CHFR: variants seen among roughly 807,000 people sequenced by gnomAD.
CHFR encodes checkpoint with forkhead and ring finger domains.
Under a neutral mutation model 87.6 loss-of-function variants are expected in CHFR, and 57 were observed. The ratio of observed to expected loss-of-function variants is 0.65; its 90% CI spans 0.53 to 0.81. CHFR has a LOEUF of 0.81. Ranked by LOEUF, CHFR falls within the 30% of genes least tolerant of loss-of-function variation. The probability of loss-of-function intolerance (pLI) is 0.00; values close to 1 mark genes in which losing one functional copy is unlikely to be tolerated. For missense variants in CHFR, 797 were observed against 865.8 expected (o/e 0.92, Z 1.00); for synonymous variants, 381 against 359.2 (o/e 1.06, Z -0.69).
intron 13 of CHFR, 87 bp downstream of exon 13, chr12:132,848,554 C>A: frequency 9.9e-7 from 1 of 1,013,408 alleles, no homozygotes; most frequent in Non-Finnish European, 1.5e-6. Context: ...AAACATCAGG[C>A]TATGGACCCC....
intron 12 of CHFR, chr12:132,849,160 G>A (rs1463872197): frequency 1.3e-5 from 2 of 155,728 alleles, no homozygotes; most frequent in African/African-American, 4.8e-5. Flanking sequence ...TGTTGCCCAG[G>A]ATGGTTTCAA....
chr12:132,870,763 A>C lies in CHFR; in HGVS notation c.364T>G (p.Ser122Ala). The change falls in exon 5 of 18, where the codon TCT becomes GCT. Residue 122 changes from serine to alanine, a missense_variant. By Grantham distance (99) the Ser-to-Ala change is moderately conservative (BLOSUM62 1). Transcript: ENST00000450056. ...PEHNVAYLYE[S>A]LSEKQGMTQE... ...GTCATGCCTTGCTTTTCACTTAAAG[A>C]TTCATAGAGGTATGCCACGTCTAAA... The C allele has an allele frequency of 6.2e-7, 1 of 1,611,462 alleles. No homozygotes were observed.
intron 9 of CHFR, among the ~76,000 whole-genome samples, chr12:132,857,092 G>A (rs1205064843): frequency 7.4e-6 from 1 of 134,252 alleles, no homozygotes; most frequent in Non-Finnish European, 1.6e-5. Context: ...CCCGGGTGCT[G>A]GTGGAGGGAC....
At chr12:132,857,055 T>G (rs1593472130) in intron 9 of CHFR, among the ~76,000 whole-genome samples, 1 of 92,572 alleles carries the variant, frequency 1.1e-5, no homozygotes, top group Non-Finnish European at 2.1e-5. Context: ...CGTGCCCGGG[T>G]GCTGGTGGAG....
chr12:132,846,501 A>C (rs1593449086), intron 15 of CHFR, among the ~76,000 whole-genome samples: 1 of 150,938 alleles, frequency 6.6e-6, no homozygotes, highest in Non-Finnish European at 1.5e-5. Context: ...CAATCTCTTG[A>C]CCTCATGATC....
In CHFR at chr12:132,836,625, T is replaced by C. The variant is rs1950648720; in HGVS notation, c.*4929A>G. The stretch of plus-strand genomic sequence containing the variant: ...CTGACTGGCCTTCAACATTCTCTCC[T>C]GAGTCCATTCCTTCCACAGACATGC... On this transcript the variant is annotated 3_prime_UTR_variant, in exon 18 of 18. Transcript: ENST00000450056. The C allele has an allele frequency of 2.2e-6, 1 of 456,012 alleles. No individual in the cohort carries two copies. Among genetic ancestry groups the C allele is most frequent in the Non-Finnish European group, 4.4e-6 (1 of 226,780 alleles). 28.2% of individuals were successfully genotyped at this position (456,012 alleles called of 1,614,324 possible).
In CHFR at chr12:132,859,207, C is replaced by G; in HGVS notation, c.772G>C (p.Gly258Arg). The G allele has an allele frequency of 6.2e-7, 1 of 1,613,394 alleles. No homozygotes were observed. The highest frequency in any genetic ancestry group is 8.5e-7 in the Non-Finnish European group (1 of 1,179,680). ...CGCGGTTGTGCGACCAACAACTGCC[C>G]GTTCAGGTCAAGGTCCCCATCTACA... is the stretch of plus-strand genomic sequence containing the variant. ...MRGDGDLDLN[G>R]QLLVAQPRRN... The change falls in exon 8 of 18, where the codon GGG becomes CGG. Residue 258 changes from glycine to arginine, a missense_variant. By Grantham distance (125) the Gly-to-Arg change is moderately radical. This residue lies in a region of CHFR where 597 missense variants were observed against 601.2 expected (regional missense o/e 0.99). Transcript: ENST00000450056.
At chr12:132,867,978 T>C (rs1951386686) in intron 6 of CHFR, 1 of 151,656 alleles carries the variant, frequency 6.6e-6, no homozygotes, top group African/African-American at 2.4e-5. Context: ...ATAATATGTA[T>C]AGCGCGATCC....
At chr12:132,887,415 G>A in intron 1 of CHFR, 75 bp from the exon 2 acceptor site, 3 of 1,136,562 alleles carry the variant, frequency 2.6e-6, no homozygotes, top group Non-Finnish European at 2.2e-6. Context: ...CCCACCCCGC[G>A]GGCCCCGGCC....
At chr12:132,881,244 C>T (rs1252115056) in intron 2 of CHFR, among the ~76,000 whole-genome samples, 1 of 145,148 alleles carries the variant, frequency 6.9e-6, no homozygotes, top group Non-Finnish European at 1.5e-5. Flanking sequence ...GGCAACAGAG[C>T]GAGACTCCAT....
chr12:132,859,360 T>C, intron 7 of CHFR, 133 bp from the exon 8 acceptor site: 1 of 884,620 alleles, frequency 1.1e-6, no homozygotes. Flanking sequence ...ATGCAGTCTT[T>C]TTTTTTTCGA....
In CHFR at chr12:132,839,749, TCATC is replaced by T. The variant is rs1403839408; in HGVS notation, c.*1801_*1804del. ...AAACGTGCAAACTCCCCTTTTGGCT[TCATC>T]CATGCACAAACTTGGGACCTCCCTT... On this transcript the variant is annotated 3_prime_UTR_variant, in exon 18 of 18. Transcript: ENST00000450056. 6.4e-6 allele frequency: 1 copy of T among 156,754 alleles called. No homozygotes were observed. Among genetic ancestry groups the T allele is most frequent in the Non-Finnish European group, 1.3e-5 (1 of 74,766 alleles). 9.7% of individuals were successfully genotyped at this position (156,754 alleles called of 1,614,324 possible). A position where few individuals can be genotyped will look rare whatever the true frequency, so the allele number is the denominator to read the frequency against.
intron 7 of CHFR, among the ~76,000 whole-genome samples, chr12:132,861,217 G>C (rs1434545826): frequency 6.6e-6 from 1 of 152,202 alleles, no homozygotes; most frequent in Non-Finnish European, 1.5e-5. Context: ...CTGCAATTCA[G>C]AATGCACTAT....
intron 14 of CHFR, 154 bp downstream of exon 14, chr12:132,847,931 G>C: frequency 3.4e-6 from 5 of 1,486,344 alleles, no homozygotes; most frequent in Non-Finnish European, 4.5e-6. Context: ...CAGAGAACCA[G>C]CTGGCTGCAC....
At chr12:132,873,592 C>A (rs1356669163) in intron 3 of CHFR, among the ~76,000 whole-genome samples, 1 of 145,876 alleles carries the variant, frequency 6.9e-6, no homozygotes, top group Non-Finnish European at 1.5e-5. Context: ...TGCAGGGGCG[C>A]TGGAGCTGGA....
rs747697880 is a variant in CHFR, at chr12:132,844,108, G to A, written c.1762C>T (p.Leu588=). 6.2e-7 allele frequency: 1 copy of A among 1,613,386 alleles called. No individual in the cohort carries two copies. The highest frequency in any genetic ancestry group is 8.5e-7 in the Non-Finnish European group (1 of 1,179,384). The change falls in exon 16 of 18, where the codon CTG becomes TTG. Residue 588 remains leucine, a synonymous_variant. Coordinates refer to ENST00000450056, the MANE Select transcript of CHFR (RefSeq NM_001161346.2). ...CTGCGCAGGCCACAGCAGTAACACA[G>A]AACGGTGTCTCCCGTGACTCTGTAA... ...SDYRVTGDTV[L]CYCCGLRSFR...
intron 7 of CHFR, among the ~76,000 whole-genome samples, chr12:132,859,584 T>G (rs1951168941): frequency 6.6e-6 from 1 of 152,192 alleles, no homozygotes; most frequent in Non-Finnish European, 1.5e-5. Context: ...TCTCCTGACC[T>G]CGTGATCCAC....
At position 132,856,061 on chromosome 12, in the gene CHFR, G is replaced by C. The variant is rs369767393; in HGVS notation, c.1229+407C>G. Among the ~76,000 whole-genome samples the C allele has an allele frequency of 6.6e-5, 10 of 152,288 alleles. 1 individual carries two copies. The highest frequency in any genetic ancestry group is 2.2e-4 in the African/African-American group (9 of 41,566). ...GCAATTTATACTATAGGACTTTATA[G>C]TCGCTAGATCAACTACAAAGAATAC... On this transcript the variant is annotated intron_variant, in intron 10 of 17. Transcript: ENST00000450056.
chr12:132,875,821 T>C, intron 3 of CHFR, among the ~76,000 whole-genome samples: 1 of 152,088 alleles, frequency 6.6e-6, no homozygotes, highest in East Asian at 1.9e-4. Flanking sequence ...CCTAAGATAA[T>C]GAAAAGATGA....
Sources: gnomAD v4.1 joint callset for allele counts (sites outside exome capture counted in the v4.1 genomes callset) on GRCh38, gnomAD v4.1.1 for gene constraint, gnomAD v4.1.1 regional missense constraint, MANE v1.5 for transcripts, NCBI Gene and HGNC (gene_info 2026-07-23, HGNC 2026-07-21) for gene names.